Variants in DDX52 observed in about 807,000 individuals in gnomAD.
The protein encoded by DDX52 is probable ATP-dependent RNA helicase DDX52.
Under a neutral mutation model 76.1 loss-of-function variants are expected in DDX52, and 59 were observed. The ratio of observed to expected loss-of-function variants is 0.78; its 90% confidence interval spans 0.63 to 0.96. DDX52 has a LOEUF of 0.96. Among genes scored for constraint, DDX52 ranks in the 40% least tolerant of loss-of-function variants. The pLI is 0.00. For synonymous variants in DDX52, 231 were observed against 244.1 expected (o/e 0.95, Z 0.50); for missense variants, 707 against 703.9 (o/e 1.00, Z -0.05).
At chr17:37,638,287 C>CAAA (rs969220123) in intron 2 of DDX52, among the ~76,000 whole-genome samples, 1 of 151,852 alleles carries the variant, frequency 6.6e-6, no homozygotes, top group Admixed American at 6.6e-5. Context: ...GAAATTTCTA[C>CAAA]AAAAAAAATT....
At chr17:37,627,331 C>G (rs1425845245) in intron 6 of DDX52, among the ~76,000 whole-genome samples, 1 of 152,170 alleles carries the variant, frequency 6.6e-6, no homozygotes. Flanking sequence ...GTAGCTGGGA[C>G]TACCACTAGC....
chr17:37,620,816 A>G, intron 12 of DDX52, 57 bp downstream of exon 12: 3 of 1,474,960 alleles, frequency 2.0e-6, no homozygotes, highest in Non-Finnish European at 2.7e-6. Context: ...TTGAATATAC[A>G]TATAAGAATA....
At chr17:37,620,683 T>G in intron 12 of DDX52, 190 bp downstream of exon 12, 1 of 484,180 alleles carries the variant, frequency 2.1e-6, no homozygotes, top group Non-Finnish European at 3.6e-6. Flanking sequence ...TTCCAAATTC[T>G]AATAACGGAA....
At position 37,613,189 on chromosome 17, in the gene DDX52, A is replaced by G. The variant is rs934775994; in HGVS notation, c.*1107T>C. ...CAAGTCATTCTTAGGCACCAGTCTT[A>G]CGTATATGAAGTCACTTTTTCATTC... On this transcript the variant is annotated 3_prime_UTR_variant, in exon 15 of 15. Coordinates refer to ENST00000617633, the MANE Select transcript of DDX52 (RefSeq NM_007010.5). 14 of 152,246 alleles carry G rather than the reference A, an allele frequency of 9.2e-5. No homozygotes were observed. The highest frequency in any genetic ancestry group is 3.4e-4 in the African/African-American group (14 of 41,468). The allele number at this position is 152,246 out of a possible 1,614,324, so 9.4% of individuals were successfully genotyped here. A position where few individuals can be genotyped will look rare whatever the true frequency, so the allele number is the denominator to read the frequency against.
At chr17:37,639,458 C>T in intron 2 of DDX52, 1 of 996,540 alleles carries the variant, frequency 1.0e-6, no homozygotes, top group Non-Finnish European at 1.2e-6. Flanking sequence ...ACATGCCTGG[C>T]TGGGCGTGGT....
chr17:37,619,739 C>T, intron 13 of DDX52, 29 bp downstream of exon 13: 3 of 1,571,986 alleles, frequency 1.9e-6, no homozygotes, highest in Non-Finnish European at 2.6e-6. Flanking sequence ...AAGAGACAGA[C>T]AAAGATACAG....
chr17:37,620,835 A>AT (rs1415886086), intron 12 of DDX52, 38 bp downstream of exon 12: 1 of 1,554,746 alleles, frequency 6.4e-7, no homozygotes, highest in African/African-American at 1.4e-5. Context: ...TAATGAAGCA[A>AT]TTTTGCCAAT....
chr17:37,620,588 A>C (rs2030029873), intron 12 of DDX52: 1 of 283,428 alleles, frequency 3.5e-6, no homozygotes, highest in African/African-American at 2.2e-5. Context: ...CAGGAAACTC[A>C]TCTTCTACAT....
intron 5 of DDX52, among the ~76,000 whole-genome samples, chr17:37,629,370 TA>T (rs201885081): frequency 2.4e-4 from 37 of 151,648 alleles, no homozygotes; most frequent in Non-Finnish European, 1.0e-4. Context: ...TTTTCCCTTC[TA>T]AAAAAAACAA....
chr17:37,639,430 T>A lies in DDX52; in HGVS notation c.286+2680A>T, dbSNP rs142050457. ...TTACTAATTCACAAGCTATTCAATTTTCCAGTTAAAAATAGATACATGCCT... is the reference window on the plus strand; with the variant it reads ...TTACTAATTCACAAGCTATTCAATTATCCAGTTAAAAATAGATACATGCCT... On this transcript the variant is annotated intron_variant, in intron 2 of 14. Coordinates refer to ENST00000617633, the MANE Select transcript of DDX52 (RefSeq NM_007010.5). The A allele has an allele frequency of 9.9e-4, 980 of 991,496 alleles. 7 individuals are homozygous for A. In the African/African-American group the frequency reaches 0.015, roughly 15 times the overall value. The allele number at this position is 991,496 out of a possible 1,614,324, so 61.4% of individuals were successfully genotyped here.
chr17:37,631,962 G>A, intron 4 of DDX52, 151 bp downstream of exon 4: 1 of 1,045,486 alleles, frequency 9.6e-7, no homozygotes, highest in Non-Finnish European at 1.4e-6. Context: ...AACTTTTATG[G>A]AGGCACAGGC....
At chr17:37,630,589 G>C (rs1438702263) in intron 4 of DDX52, among the ~76,000 whole-genome samples, 1 of 151,286 alleles carries the variant, frequency 6.6e-6, no homozygotes. Context: ...AAATGGCAAT[G>C]ACCTGAGGGC....
chr17:37,629,302 T>C (rs1242950186), intron 5 of DDX52, among the ~76,000 whole-genome samples: 1 of 151,062 alleles, frequency 6.6e-6, no homozygotes, highest in Non-Finnish European at 1.5e-5. Context: ...GACTATTTCA[T>C]ACTTGATATG....
rs2064382710 is a variant in DDX52, at chr17:37,612,770, A to T, written c.*1526T>A. The T allele has an allele frequency of 6.6e-6, 1 of 152,206 alleles. No homozygotes were observed. The highest frequency in any genetic ancestry group is 2.4e-5 in the African/African-American group (1 of 41,464). The allele number at this position is 152,206 out of a possible 1,614,324, so 9.4% of individuals were successfully genotyped here. A position where few individuals can be genotyped will look rare whatever the true frequency, so the allele number is the denominator to read the frequency against. ...TGTGAGTTTACTATGTATCAGGTAC[A>T]GTGCTAGGTACTCACAATTGGAGAC... On this transcript the variant is annotated 3_prime_UTR_variant, in exon 15 of 15. Coordinates refer to ENST00000617633, the MANE Select transcript of DDX52 (RefSeq NM_007010.5).
Position 37,630,348 on chromosome 17 carries a change from A to G in DDX52, c.604-175T>C, listed in dbSNP as rs776102722. On this transcript the variant is annotated intron_variant, in intron 4 of 14. Coordinates refer to ENST00000617633, the MANE Select transcript of DDX52 (RefSeq NM_007010.5). ...ATCCATCCATGCCACCATCACCCCA[A>G]CAAAGTTTCTGAGCATTGCCCTTAA... is the stretch of plus-strand genomic sequence containing the variant. Among the ~76,000 whole-genome samples the G allele has an allele frequency of 1.3e-5, 2 of 152,304 alleles. 1 individual carries two copies. Among genetic ancestry groups the G allele is most frequent in the Middle Eastern group, 6.8e-3 (2 of 294 alleles).
In DDX52 at chr17:37,618,379, T is replaced by C. The variant is rs949442777; in HGVS notation, c.1655A>G (p.Gln552Arg). ...TGGTTTCTTAATCATCTTTTTCTTT[T>C]GTTTGCTGAAAGTTACAAAGTAAAA... The part of the protein sequence containing the change: ...IKGFQKLLSK[Q>R]KKKMIKKPLE... Residue 552 changes from glutamine (Q) to arginine (R), a missense_variant, in exon 14 of 15, where the codon CAA becomes CGA. Transcript: ENST00000617633. 2 of 1,584,072 alleles carry C rather than the reference T, an allele frequency of 1.3e-6. No individual in the cohort carries two copies. The highest frequency in any genetic ancestry group is 1.4e-5 in the African/African-American group (1 of 72,516).
chr17:37,641,788 A>G (rs1055559527), intron 2 of DDX52, among the ~76,000 whole-genome samples: 6 of 152,100 alleles, frequency 3.9e-5, no homozygotes, highest in Non-Finnish European at 7.4e-5. Context: ...CACCAATAAT[A>G]TTCAGCACTG....
At chr17:37,629,573 G>A (rs2030576597) in intron 5 of DDX52, among the ~76,000 whole-genome samples, 1 of 152,060 alleles carries the variant, frequency 6.6e-6, no homozygotes, top group Admixed American at 6.6e-5. Flanking sequence ...TCAAGAGGCT[G>A]AAGAGGGAGA....
At chr17:37,631,481 G>A (rs1188432631) in intron 4 of DDX52, 1 of 152,706 alleles carries the variant, frequency 6.5e-6, no homozygotes, top group African/African-American at 2.4e-5. Context: ...GGTGAGGACT[G>A]AATGGAAAGG....
Sources: allele counts gnomAD v4.1 joint callset (sites outside exome capture counted in the v4.1 genomes callset), GRCh38; gene constraint gnomAD v4.1.1; transcripts MANE v1.5; gene names NCBI Gene and HGNC (gene_info 2026-07-23, HGNC 2026-07-21).